Variants in CD300LF observed in about 807,000 individuals in gnomAD.
The protein encoded by CD300LF is CMRF35-like molecule 1.
A neutral mutation model predicts 32.2 loss-of-function variants in CD300LF; 27 were observed. That is an observed-to-expected ratio of 0.84 (90% CI 0.62 to 1.15). CD300LF has a LOEUF of 1.15. CD300LF is among the 50% of genes most tolerant of loss of function. The probability of loss-of-function intolerance (pLI) is 0.00; values close to 1 mark genes in which losing one functional copy is unlikely to be tolerated. For synonymous variants in CD300LF, 139 were observed against 143.2 expected (o/e 0.97, Z 0.21); for missense variants, 348 against 356.8 (o/e 0.98, Z 0.20).
At chr17:74,706,144 A>G (rs2033486842) in intron 1 of CD300LF, among the ~76,000 whole-genome samples, 1 of 152,038 alleles carries the variant, frequency 6.6e-6, no homozygotes, top group African/African-American at 2.4e-5. Context: ...AAAACTACCA[A>G]TTGGGTACCA....
chr17:74,712,746 G>T (rs1045059086), intron 1 of CD300LF, 78 bp downstream of exon 1: 13 of 1,470,526 alleles, frequency 8.8e-6, no homozygotes, highest in Non-Finnish European at 1.1e-5. Flanking sequence ...CCTTCTGGCC[G>T]GGTCCCTTCT....
intron 1 of CD300LF, among the ~76,000 whole-genome samples, chr17:74,707,620 T>C (rs2033620742): frequency 6.7e-6 from 1 of 149,956 alleles, no homozygotes; most frequent in East Asian, 2.0e-4. Context: ...GAGGCTGAGG[T>C]GGGAGAATCG....
rs929153104 is a variant in CD300LF, at chr17:74,709,712, C to T, written c.43+3112G>A. ...TCTTATGTAGCTGGGACGACAGGAC[C>T]ACAGGCATGCACCACCATACCAGGC... is the stretch of plus-strand genomic sequence containing the variant. On this transcript the variant is annotated intron_variant, in intron 1 of 6. Coordinates refer to ENST00000326165, the MANE Select transcript of CD300LF (RefSeq NM_139018.5). Among the ~76,000 whole-genome samples the T allele has an allele frequency of 3.9e-5, 6 of 151,990 alleles. No homozygotes were observed. The East Asian group carries it at 9.7e-4, about 25-fold the overall frequency.
At chr17:74,711,461 G>T (rs2033956479) in intron 1 of CD300LF, among the ~76,000 whole-genome samples, 1 of 152,136 alleles carries the variant, frequency 6.6e-6, no homozygotes, top group African/African-American at 2.4e-5. Context: ...TGAAACTCGG[G>T]GCCAAGTGTC....
At chr17:74,703,233 C>T (rs999862600) in intron 2 of CD300LF, 135 bp from the exon 3 acceptor site, 12 of 1,099,056 alleles carry the variant, frequency 1.1e-5, no homozygotes, top group South Asian at 1.4e-5. Flanking sequence ...TGAGCCTGGG[C>T]GGGGGTCTGG....
At chr17:74,696,341 A>C in intron 4 of CD300LF, 124 bp from the exon 5 acceptor site, 2 of 987,926 alleles carry the variant, frequency 2.0e-6, no homozygotes, top group Non-Finnish European at 1.5e-6. Flanking sequence ...AGAGACAGGG[A>C]CCTGGTTCTA....
intron 4 of CD300LF, among the ~76,000 whole-genome samples, chr17:74,696,899 ATTTT>A (rs2032532766): frequency 7.4e-6 from 1 of 136,020 alleles, no homozygotes; most frequent in Admixed American, 7.4e-5. Context: ...GTAGGGACCG[ATTTT>A]GTTTGGTTTG....
At chr17:74,706,526 G>A (rs968869450) in intron 1 of CD300LF, among the ~76,000 whole-genome samples, 5 of 151,966 alleles carry the variant, frequency 3.3e-5, no homozygotes, top group African/African-American at 1.2e-4. Context: ...AAATTAGCCT[G>A]GCATGATGGC....
chr17:74,697,981 T>C (rs1216442319), intron 4 of CD300LF, among the ~76,000 whole-genome samples: 1 of 152,120 alleles, frequency 6.6e-6, no homozygotes, highest in Non-Finnish European at 1.5e-5. Context: ...TCCCTCCCCA[T>C]TCCATGTCAG....
chr17:74,698,262 G>A (rs2032699235), intron 4 of CD300LF, 107 bp downstream of exon 4: 1 of 830,778 alleles, frequency 1.2e-6, no homozygotes, highest in African/African-American at 1.7e-5. Context: ...TTGGGACTGT[G>A]CCATTTCCTG....
At chr17:74,701,963 A>G (rs2033091216) in intron 3 of CD300LF, among the ~76,000 whole-genome samples, 1 of 151,984 alleles carries the variant, frequency 6.6e-6, no homozygotes, top group African/African-American at 2.4e-5. Context: ...CAGAGGTTGC[A>G]GTGAGCCAAG....
intron 2 of CD300LF, 136 bp from the exon 3 acceptor site, chr17:74,703,234 G>T: frequency 9.2e-7 from 1 of 1,082,502 alleles, no homozygotes; most frequent in Non-Finnish European, 1.4e-6. Context: ...GAGCCTGGGC[G>T]GGGGTCTGGA....
In CD300LF at chr17:74,703,045, A is replaced by C; in HGVS notation, c.436T>G (p.Leu146Val). The C allele has an allele frequency of 6.2e-7, 1 of 1,613,686 alleles. No individual in the cohort carries two copies. Among genetic ancestry groups the C allele is most frequent in the Non-Finnish European group, 8.5e-7 (1 of 1,179,606 alleles). Residue 146 changes from leucine (L) to valine (V), a missense_variant, in exon 3 of 7, where the codon TTG (leucine) becomes GTG (valine). Leu to Val is a conservative substitution (Grantham distance 32). Coordinates refer to ENST00000326165, the MANE Select transcript of CD300LF (RefSeq NM_139018.5). Reference sequence around the variant, plus strand: ...CCAGAGCTGGCTTACCTGTTGTCCAAGTGGTGGCCGGTCAGAGTTGGGGAG... The same window carrying C: ...CCAGAGCTGGCTTACCTGTTGTCCACGTGGTGGCCGGTCAGAGTTGGGGAG... ...SSSPTLTGHH[L>V]DNRHKLLKLS...
At chr17:74,703,333 G>A (rs1239293677) in intron 2 of CD300LF, among the ~76,000 whole-genome samples, 4 of 152,110 alleles carry the variant, frequency 2.6e-5, no homozygotes, top group Non-Finnish European at 5.9e-5. Context: ...AGGTGGGGCT[G>A]GGCAGGGTCC....
At chr17:74,697,625 G>A (rs1322722870) in intron 4 of CD300LF, among the ~76,000 whole-genome samples, 1 of 151,992 alleles carries the variant, frequency 6.6e-6, no homozygotes, top group Admixed American at 6.6e-5. Context: ...AAGAGAAAGA[G>A]GTACAATTGT....
rs546155007 is a variant in CD300LF at position 74,699,857 on chromosome 17, C to A, written c.447-1376G>T. ...CCCTCTCTTTCTCAAAATTCTGCAA[C>A]AGGCCAGGCACAGTGGCTCATACCT... On this transcript the variant is annotated intron_variant, in intron 3 of 6. Transcript: ENST00000326165. Among the ~76,000 whole-genome samples the A allele has an allele frequency of 2.0e-5, 3 of 152,064 alleles. No individual in the cohort carries two copies. The East Asian group carries it at 5.8e-4, about 30-fold the overall frequency.
intron 1 of CD300LF, among the ~76,000 whole-genome samples, chr17:74,711,986 C>T (rs2034001419): frequency 6.7e-6 from 1 of 149,854 alleles, no homozygotes; most frequent in African/African-American, 2.5e-5. Context: ...GTCACTGCAG[C>T]CTCCAACTCC....
At position 74,695,789 on chromosome 17, in the gene CD300LF, T is replaced by G. The variant is rs2034310; in HGVS notation, c.653A>C (p.Gln218Pro). 3 of 1,613,936 alleles carry G rather than the reference T, an allele frequency of 1.9e-6. No homozygotes were observed. Among genetic ancestry groups the G allele is most frequent in the Non-Finnish European group, 2.5e-6 (3 of 1,179,970 alleles). Residue 218 changes from glutamine to proline, a missense_variant, in exon 6 of 7, where the codon CAA becomes CCA. Physicochemically the swap from Gln to Pro is moderately conservative, Grantham distance 76. Coordinates refer to ENST00000326165, the MANE Select transcript of CD300LF (RefSeq NM_139018.5). ...LTLQLAGTSP[Q>P]KATTKLSSAQ... ...AGAGGAAAGCTTCGTGGTAGCCTTTTGCGGGGAGGTTCCGGCCAGCTGCAG... is the reference window on the plus strand; with the variant it reads ...AGAGGAAAGCTTCGTGGTAGCCTTTGGCGGGGAGGTTCCGGCCAGCTGCAG...
At chr17:74,698,958 A>C (rs1414557662) in intron 3 of CD300LF, among the ~76,000 whole-genome samples, 1 of 152,118 alleles carries the variant, frequency 6.6e-6, no homozygotes, top group Non-Finnish European at 1.5e-5. Flanking sequence ...TTGCTCTGTC[A>C]CCCAGGCTGG....
Sources: gnomAD v4.1 joint callset for allele counts (sites outside exome capture counted in the v4.1 genomes callset) on GRCh38, gnomAD v4.1.1 for gene constraint, MANE v1.5 for transcripts, NCBI Gene and HGNC (gene_info 2026-07-23, HGNC 2026-07-21) for gene names.